SV2C: variants seen among roughly 807,000 people sequenced by gnomAD.
SV2C encodes synaptic vesicle glycoprotein 2C, also known as solute carrier family 22 member B3.
Under a neutral mutation model 79.7 loss-of-function variants are expected in SV2C, and 49 were observed. The ratio of observed to expected loss-of-function variants is 0.61; its 90% CI spans 0.49 to 0.78. The LOEUF is 0.78. SV2C is among the 30% of genes least tolerant of loss of function. SV2C has a pLI of 0.00. For missense variants in SV2C, 833 were observed against 912.9 expected (o/e 0.91, Z 1.13); for synonymous variants, 334 against 333.2 (o/e 1.00, Z -0.03).
intron 12 of SV2C, among the ~76,000 whole-genome samples, chr5:76,339,569 C>T (rs1006822278): frequency 7.9e-5 from 12 of 151,988 alleles, no homozygotes; most frequent in Non-Finnish European, 1.6e-4. Context: ...AAAAAATTAA[C>T]TGGGTGTGGT....
chr5:76,254,257 T>TATAGAGAG (rs1053047235), intron 4 of SV2C, among the ~76,000 whole-genome samples: 13 of 149,398 alleles, frequency 8.7e-5, no homozygotes, highest in African/African-American at 3.2e-4. Context: ...TATATATATA[T>TATAGAGAG]AGAGAGAGAG....
the SV2C span, among the ~76,000 whole-genome samples, chr5:76,045,957 A>C: frequency 2.0e-5 from 3 of 152,184 alleles, no homozygotes; most frequent in African/African-American, 7.2e-5. Flanking sequence ...ATACTTTTAG[A>C]GCATCTATAA....
At chr5:76,089,143 A>C (rs932590356) in intron 1 of SV2C, among the ~76,000 whole-genome samples, 6 of 152,250 alleles carry the variant, frequency 3.9e-5, no homozygotes, top group Non-Finnish European at 7.4e-5. Context: ...TTAAGCCCAG[A>C]ATGCATTAGC....
chr5:75,890,306 G>A, the SV2C span, among the ~76,000 whole-genome samples: 2 of 152,056 alleles, frequency 1.3e-5, no homozygotes, highest in Non-Finnish European at 2.9e-5. Context: ...TCCTCCCATT[G>A]TAGTAAATCT....
chr5:76,336,421 G>T (rs1749326678), downstream of SV2C, among the ~76,000 whole-genome samples: 2 of 151,524 alleles, frequency 1.3e-5, no homozygotes, highest in Admixed American at 1.3e-4. Flanking sequence ...GGGCAGCCAG[G>T]CAGAGGGGCT....
the SV2C span, among the ~76,000 whole-genome samples, chr5:75,953,183 C>T: frequency 6.6e-6 from 1 of 151,884 alleles, no homozygotes; most frequent in Non-Finnish European, 1.5e-5. Context: ...TGGGAGGGGC[C>T]AGGCTCTTTT....
intron 2 of SV2C, among the ~76,000 whole-genome samples, chr5:76,171,731 G>A (rs1743272946): frequency 7.3e-6 from 1 of 137,736 alleles, no homozygotes; most frequent in Non-Finnish European, 1.6e-5. Context: ...CCCCCCGCCT[G>A]GCCAGCCGTG....
At chr5:76,316,591 AATTT>A (rs1214552360) in intron 12 of SV2C, among the ~76,000 whole-genome samples, 1 of 152,088 alleles carries the variant, frequency 6.6e-6, no homozygotes, top group Non-Finnish European at 1.5e-5. Flanking sequence ...GGGAGTAGGA[AATTT>A]ATTTAGGGGC....
chr5:76,190,638 G>A (rs1744070870), intron 2 of SV2C, among the ~76,000 whole-genome samples: 1 of 152,166 alleles, frequency 6.6e-6, no homozygotes, highest in South Asian at 2.1e-4. Context: ...TGAGAAGAGT[G>A]GTCCAAAGAC....
chr5:76,127,414 A>G (rs563691376), intron 1 of SV2C, among the ~76,000 whole-genome samples: 1 of 152,362 alleles, frequency 6.6e-6, no homozygotes, highest in South Asian at 2.1e-4. Flanking sequence ...AAAATATCAC[A>G]CACAATGATT....
chr5:75,863,061 T>C, the SV2C span, among the ~76,000 whole-genome samples: 29,339 of 152,124 alleles, frequency 0.19, 3,631 homozygotes, highest in African/African-American at 0.35. Flanking sequence ...CTTTCTCAAA[T>C]GTTTACAGCC....
intron 12 of SV2C, among the ~76,000 whole-genome samples, chr5:76,315,705 G>T (rs1748597682): frequency 6.6e-6 from 1 of 152,220 alleles, no homozygotes; most frequent in Admixed American, 6.5e-5. Context: ...GGTTAGGTGA[G>T]AAGCTGCCTC....
At chr5:76,239,885 G>A (rs1020916333) in intron 4 of SV2C, among the ~76,000 whole-genome samples, 11 of 152,178 alleles carry the variant, frequency 7.2e-5, no homozygotes, top group African/African-American at 2.7e-4. Context: ...GCATCTTGGA[G>A]GCTAGCTGTC....
At chr5:75,970,058 T>C in the SV2C span, among the ~76,000 whole-genome samples, 5 of 152,048 alleles carry the variant, frequency 3.3e-5, no homozygotes, top group African/African-American at 1.2e-4. Flanking sequence ...CTGAACAATC[T>C]GCTCCTGAAT....
the SV2C span, among the ~76,000 whole-genome samples, chr5:75,947,088 T>G: frequency 6.6e-6 from 1 of 152,184 alleles, no homozygotes. Context: ...TTAATTGCAC[T>G]TTCACAAAGT....
the SV2C span, among the ~76,000 whole-genome samples, chr5:75,886,119 C>T: frequency 1.3e-5 from 2 of 152,046 alleles, no homozygotes; most frequent in African/African-American, 2.4e-5. Context: ...GTGAGTCAGC[C>T]CCTTTTAGCT....
At chr5:76,035,364 C>T in the SV2C span, among the ~76,000 whole-genome samples, 4 of 151,908 alleles carry the variant, frequency 2.6e-5, no homozygotes, top group Non-Finnish European at 5.9e-5. Context: ...TTGGATCTTT[C>T]CTCCTTTCTC....
At chr5:75,895,990 A>C in the SV2C span, among the ~76,000 whole-genome samples, 1 of 152,162 alleles carries the variant, frequency 6.6e-6, no homozygotes, top group Non-Finnish European at 1.5e-5. Flanking sequence ...ACACACATAC[A>C]AAATGCACAT....
At chr5:76,009,417 T>A in the SV2C span, among the ~76,000 whole-genome samples, 1 of 152,146 alleles carries the variant, frequency 6.6e-6, no homozygotes, top group Non-Finnish European at 1.5e-5. Context: ...TGGGTATATA[T>A]CCAGAAGAAA....
Sources: gnomAD v4.1 joint callset for allele counts (sites outside exome capture counted in the v4.1 genomes callset) on GRCh38, gnomAD v4.1.1 for gene constraint, MANE v1.5 for transcripts, NCBI Gene and HGNC (gene_info 2026-07-23, HGNC 2026-07-21) for gene names.